The following TMEM132E variants were observed in gnomAD, a reference collection of about 807,000 sequenced individuals.
The protein encoded by TMEM132E is transmembrane protein 132E.
TMEM132E carries 49 observed loss-of-function variants against 78.5 expected under a neutral mutation model. That is an observed-to-expected ratio of 0.62 (90% CI 0.50 to 0.79). The LOEUF (loss-of-function observed/expected upper bound fraction) is 0.79, where lower values mean the gene tolerates loss of function less well. TMEM132E is among the 30% of genes least tolerant of loss of function. The pLI is 0.00. For synonymous variants in TMEM132E, 715 were observed against 670.6 expected (o/e 1.07, Z -1.02); for missense variants, 1,403 against 1,470.9 (o/e 0.95, Z 0.75).
intron 1 of TMEM132E, among the ~76,000 whole-genome samples, chr17:34,622,976 C>T (rs1296060965): frequency 6.6e-6 from 1 of 151,336 alleles, no homozygotes; most frequent in Non-Finnish European, 1.5e-5. Context: ...TGTCCCTAAA[C>T]AAAGATTGAT....
intron 5 of TMEM132E, 106 bp downstream of exon 5, chr17:34,630,257 A>C: frequency 3.2e-6 from 4 of 1,262,902 alleles, no homozygotes; most frequent in Non-Finnish European, 4.4e-6. Flanking sequence ...ATCCTCTAAC[A>C]CTGAACCCAG....
At chr17:34,609,299 A>G (rs1402002477) in intron 1 of TMEM132E, among the ~76,000 whole-genome samples, 1 of 152,066 alleles carries the variant, frequency 6.6e-6, no homozygotes. Flanking sequence ...ATGTGAGAAA[A>G]AGGATGAGAT....
At chr17:34,623,138 G>A (rs1044146336) in intron 1 of TMEM132E, among the ~76,000 whole-genome samples, 1 of 152,194 alleles carries the variant, frequency 6.6e-6, no homozygotes, top group Non-Finnish European at 1.5e-5. Context: ...GATCCAGGAT[G>A]TTGGTTTTGC....
Position 34,597,170 on chromosome 17 carries a change from G to A in TMEM132E, c.67+16027G>A, listed in dbSNP as rs185364162. The stretch of plus-strand genomic sequence containing the variant: ...CACCACCAGACTGGGGAGTTTCCCA[G>A]GGGAGACCTGCACTTCCCTCATCAG... On this transcript the variant is annotated intron_variant, in intron 1 of 8. Coordinates refer to ENST00000631683, the MANE Select transcript of TMEM132E (RefSeq NM_001304438.2). Among the ~76,000 whole-genome samples the A allele has an allele frequency of 1.4e-3, 210 of 152,216 alleles. 1 individual carries two copies. The highest frequency in any genetic ancestry group is 4.7e-3 in the African/African-American group (197 of 41,546).
chr17:34,607,449 A>G (rs538119778), intron 1 of TMEM132E, among the ~76,000 whole-genome samples: 3 of 152,278 alleles, frequency 2.0e-5, no homozygotes, highest in South Asian at 4.1e-4. Flanking sequence ...TCTTTTCACA[A>G]TATTTCAGAC....
At chr17:34,607,114 C>A (rs1306316353) in intron 1 of TMEM132E, among the ~76,000 whole-genome samples, 1 of 152,246 alleles carries the variant, frequency 6.6e-6, no homozygotes, top group Non-Finnish European at 1.5e-5. Context: ...CAGCTCCTTT[C>A]ATTACAGCTC....
Position 34,626,179 on chromosome 17 carries a change from C to G in TMEM132E, c.120C>G (p.Ser40Arg). 6.4e-7 allele frequency: 1 copy of G among 1,563,266 alleles called. No homozygotes were observed. The highest frequency in any genetic ancestry group is 1.2e-5 in the South Asian group (1 of 85,094). The change falls in exon 2 of 9, where the codon AGC (serine) becomes AGG (arginine). Residue 40 changes from serine to arginine, a missense_variant. Physicochemically the swap from Ser to Arg is moderately radical, Grantham distance 110 (BLOSUM62 -1). Coordinates refer to ENST00000631683, the MANE Select transcript of TMEM132E (RefSeq NM_001304438.2). ...ASPSPPGPQA[S>R]PVLPVSYRLS... is the part of the protein sequence containing the mutation. ...CCAGCCCGCCGGGGCCGCAGGCCAG[C>G]CCGGTGCTGCCAGTCAGCTACCGCC...
intron 6 of TMEM132E, among the ~76,000 whole-genome samples, chr17:34,633,322 G>A (rs1372925525): frequency 6.6e-6 from 1 of 152,234 alleles, no homozygotes; most frequent in African/African-American, 2.4e-5. Flanking sequence ...GTTGGCTGGG[G>A]AGACAGGTTA....
chr17:34,616,836 C>A (rs1906796737), intron 1 of TMEM132E, among the ~76,000 whole-genome samples: 1 of 152,180 alleles, frequency 6.6e-6, no homozygotes, highest in South Asian at 2.1e-4. Context: ...CAGCTCCAGC[C>A]TGGGGTGGGG....
At chr17:34,629,535 T>C (rs574936157) in intron 4 of TMEM132E, among the ~76,000 whole-genome samples, 1 of 152,206 alleles carries the variant, frequency 6.6e-6, no homozygotes, top group East Asian at 1.9e-4. Context: ...GCAGGGTGTG[T>C]CCCAGGCAGG....
At chr17:34,582,816 G>A (rs1210417180) in intron 1 of TMEM132E, among the ~76,000 whole-genome samples, 1 of 152,136 alleles carries the variant, frequency 6.6e-6, no homozygotes, top group South Asian at 2.1e-4. Flanking sequence ...CCTGAGTCTA[G>A]GTGGGTTCTT....
At chr17:34,629,931 G>A (rs944738266) in intron 4 of TMEM132E, 77 bp from the exon 5 acceptor site, 5 of 1,472,570 alleles carry the variant, frequency 3.4e-6, no homozygotes, top group Non-Finnish European at 4.5e-6. Context: ...GGAGCGTCCA[G>A]GAGCTGGGGC....
Position 34,638,249 on chromosome 17 carries a change from A to G in TMEM132E, c.*17A>G. On this transcript the variant is annotated 3_prime_UTR_variant, in exon 9 of 9. Transcript: ENST00000631683. Reference sequence around the variant, plus strand: ...ATTGCATAGAGGCGCCAGCCGGAGTAGCAGGGACCCCCCCCCCCAACGGGG... The same window carrying G: ...ATTGCATAGAGGCGCCAGCCGGAGTGGCAGGGACCCCCCCCCCCAACGGGG... The G allele has an allele frequency of 6.7e-7, 1 of 1,492,562 alleles. No individual in the cohort carries two copies. 92.5% of individuals were successfully genotyped at this position (1,492,562 alleles called of 1,614,324 possible).
Position 34,618,395 on chromosome 17 carries a change from A to ATT in TMEM132E, c.68-7715_68-7714dup, listed in dbSNP as rs57529797. Among the ~76,000 whole-genome samples the ATT allele has an allele frequency of 8.5e-4, 113 of 133,696 alleles. 1 individual carries two copies. Among genetic ancestry groups the ATT allele is most frequent in the African/African-American group, 2.3e-3 (85 of 36,518 alleles). The allele number at this position is 133,696 out of a possible 152,430, so 87.7% of individuals were successfully genotyped here. On this transcript the variant is annotated intron_variant, in intron 1 of 8. Transcript: ENST00000631683. ...TGGGACCACAGGTCCACGTCTGGTG[A>ATT]TTTTTTTTTTTTTTTTTTGAGAGAT...
At chr17:34,584,714 G>A (rs1449693688) in intron 1 of TMEM132E, among the ~76,000 whole-genome samples, 1 of 152,222 alleles carries the variant, frequency 6.6e-6, no homozygotes, top group African/African-American at 2.4e-5. Flanking sequence ...CAGAAGAGGG[G>A]CAGGGGAGGA....
At chr17:34,594,359 T>G (rs975401904) in intron 1 of TMEM132E, among the ~76,000 whole-genome samples, 1 of 152,070 alleles carries the variant, frequency 6.6e-6, no homozygotes, top group Non-Finnish European at 1.5e-5. Context: ...AGAAAGAAAA[T>G]GTATTCCTTC....
intron 5 of TMEM132E, among the ~76,000 whole-genome samples, chr17:34,632,485 C>T (rs1907378846): frequency 6.6e-6 from 1 of 152,206 alleles, no homozygotes; most frequent in Non-Finnish European, 1.5e-5. Flanking sequence ...GGAACAAAAT[C>T]CTCCCCCAGT....
intron 1 of TMEM132E, among the ~76,000 whole-genome samples, chr17:34,622,543 T>A (rs981422028): frequency 1.3e-5 from 2 of 152,222 alleles, no homozygotes; most frequent in African/African-American, 4.8e-5. Context: ...TCAGCTTTCT[T>A]ATCTGCAAGG....
chr17:34,635,208 C>T, intron 7 of TMEM132E, 121 bp downstream of exon 7: 1 of 1,180,738 alleles, frequency 8.5e-7, no homozygotes, highest in East Asian at 2.6e-5. Context: ...CCTGCCTGCC[C>T]CTTGTCTGAA....
Sources: gnomAD v4.1 joint callset for allele counts (sites outside exome capture counted in the v4.1 genomes callset) on GRCh38, gnomAD v4.1.1 for gene constraint, MANE v1.5 for transcripts, NCBI Gene and HGNC (gene_info 2026-07-23, HGNC 2026-07-21) for gene names.